PTPRN2: variants seen among roughly 807,000 people sequenced by gnomAD.
PTPRN2 encodes the protein receptor-type tyrosine-protein phosphatase N2.
PTPRN2 carries 74 observed loss-of-function variants against 118.8 expected under a neutral mutation model. The observed-to-expected ratio is 0.62, with a 90% confidence interval of 0.52 to 0.76. The LOEUF is 0.76. Among genes scored for constraint, PTPRN2 ranks in the 30% least tolerant of loss-of-function variants. The pLI is 0.00. For missense variants in PTPRN2, 1,481 were observed against 1,394.4 expected (o/e 1.06, Z -0.99); for synonymous variants, 641 against 608.0 (o/e 1.05, Z -0.80).
intron 2 of PTPRN2, among the ~76,000 whole-genome samples, chr7:158,330,991 A>C (rs1430481057): frequency 8.0e-6 from 1 of 125,196 alleles, no homozygotes; most frequent in Admixed American, 8.4e-5. Flanking sequence ...TCTCACCATA[A>C]GAGCTGACAC....
intron 11 of PTPRN2, among the ~76,000 whole-genome samples, chr7:157,942,495 G>A (rs1800207787): frequency 6.6e-6 from 1 of 152,082 alleles, no homozygotes; most frequent in African/African-American, 2.4e-5. Context: ...ATGCTGCTGG[G>A]GTAATACTCT....
rs531409899 is a variant in PTPRN2 at position 157,603,895 on chromosome 7, T to C, written c.2418+107A>G. On this transcript the variant is annotated intron_variant, in intron 16 of 22. Transcript: ENST00000389418. The surrounding 1 kb of genome is among the most constrained non-coding windows in gnomAD (Gnocchi z 5.4). ...TCGGCCCTGTCCACCGCAGAGACGC[T>C]GAGCTGGGTGGGGACGTGATTTCCC... 6.1e-5 allele frequency: 65 copies of C among 1,071,472 alleles called. 1 individual carries two copies. In the South Asian group the frequency reaches 8.5e-4, roughly 14 times the overall value. 66.4% of individuals were successfully genotyped at this position (1,071,472 alleles called of 1,614,324 possible).
chr7:158,072,593 C>T (rs924251332), intron 11 of PTPRN2, among the ~76,000 whole-genome samples: 23 of 152,318 alleles, frequency 1.5e-4, no homozygotes, highest in African/African-American at 5.3e-4. Context: ...CCAGGCAGCT[C>T]TCGGACTTCA....
chr7:157,665,304 G>A (rs531775553), intron 13 of PTPRN2, among the ~76,000 whole-genome samples: 1 of 152,358 alleles, frequency 6.6e-6, no homozygotes, highest in East Asian at 1.9e-4. Flanking sequence ...GCAGCTTGGC[G>A]ACCTTGAGTT....
rs1441215250 is a variant in PTPRN2, at chr7:157,657,712, CCA to C, written c.2002-1163_2002-1162del. Among the ~76,000 whole-genome samples, 23 of 92,530 alleles carry C rather than the reference CCA, an allele frequency of 2.5e-4. 2 individuals are homozygous for C. In the East Asian group the frequency reaches 7.3e-3, roughly 29 times the overall value. 60.7% of individuals were successfully genotyped at this position (92,530 alleles called of 152,430 possible). A position where few individuals can be genotyped will look rare whatever the true frequency, so the allele number is the denominator to read the frequency against. On this transcript the variant is annotated intron_variant, in intron 13 of 22. Transcript: ENST00000389418. ...TCACACATATACACACACATACACC[CCA>C]CACACACACCACACACATCACACAT...
At chr7:158,071,467 TG>T in intron 11 of PTPRN2, among the ~76,000 whole-genome samples, 2 of 135,756 alleles carry the variant, frequency 1.5e-5, no homozygotes, top group African/African-American at 5.9e-5. Context: ...GAGGTGCTCG[TG>T]GTGGTGGAGG....
chr7:157,752,207 C>T (rs566648938), intron 12 of PTPRN2, among the ~76,000 whole-genome samples: 11 of 152,318 alleles, frequency 7.2e-5, no homozygotes, highest in Non-Finnish European at 1.3e-4. Context: ...GTGGGGGCAC[C>T]GAGTGGCCAG....
rs961686856 is a variant in PTPRN2, at chr7:158,276,570, G to C, written c.277+40249C>G. ...CACCCCCACACCCTGGCCCTGGGCA[G>C]TCGTGGTGACCGCATGGCCTTGTTG... On this transcript the variant is annotated intron_variant, in intron 3 of 22. Coordinates refer to ENST00000389418, the MANE Select transcript of PTPRN2 (RefSeq NM_002847.5). Among the ~76,000 whole-genome samples the C allele has an allele frequency of 9.2e-5, 14 of 152,134 alleles. 1 individual carries two copies. The highest frequency in any genetic ancestry group is 2.0e-4 in the Admixed American group (3 of 15,288).
intron 1 of PTPRN2, among the ~76,000 whole-genome samples, chr7:158,521,635 C>T (rs370634551): frequency 2.6e-4 from 27 of 105,754 alleles, no homozygotes; most frequent in African/African-American, 7.3e-4. Flanking sequence ...GGGAGGTCCA[C>T]GTCACAATGG....
intron 3 of PTPRN2, among the ~76,000 whole-genome samples, chr7:158,227,284 G>A (rs1222335259): frequency 2.6e-5 from 4 of 152,196 alleles, no homozygotes; most frequent in Non-Finnish European, 5.9e-5. Flanking sequence ...CCAAGGTCAT[G>A]TGCTCAGGAG....
intron 12 of PTPRN2, among the ~76,000 whole-genome samples, chr7:157,707,005 G>A (rs1327623487): frequency 1.3e-5 from 2 of 151,146 alleles, no homozygotes; most frequent in Non-Finnish European, 3.0e-5. Flanking sequence ...ATCTGACCCC[G>A]GTGCCTTCCG....
At chr7:158,518,628 C>G (rs1823744858) in intron 1 of PTPRN2, among the ~76,000 whole-genome samples, 1 of 152,124 alleles carries the variant, frequency 6.6e-6, no homozygotes, top group African/African-American at 2.4e-5. Context: ...GAGGCCACAG[C>G]AGGACAAGAG....
chr7:157,945,534 T>C (rs1800422137), intron 11 of PTPRN2, among the ~76,000 whole-genome samples: 1 of 152,066 alleles, frequency 6.6e-6, no homozygotes, highest in Non-Finnish European at 1.5e-5. Flanking sequence ...GACAAAGCCG[T>C]CTCCAACTCG....
chr7:157,728,047 C>G (rs1008555852), intron 12 of PTPRN2, among the ~76,000 whole-genome samples: 6 of 152,230 alleles, frequency 3.9e-5, no homozygotes, highest in African/African-American at 1.4e-4. Flanking sequence ...CCGTCTACAC[C>G]TGGAGGCCCA....
chr7:157,600,528 C>T (rs1312149340), intron 16 of PTPRN2, among the ~76,000 whole-genome samples: 1 of 152,122 alleles, frequency 6.6e-6, no homozygotes, highest in African/African-American at 2.4e-5. Flanking sequence ...TCAAATGTTT[C>T]TTCTGCCTCA....
intron 1 of PTPRN2, among the ~76,000 whole-genome samples, chr7:158,540,784 G>A (rs1178967347): frequency 6.6e-6 from 1 of 152,230 alleles, no homozygotes; most frequent in African/African-American, 2.4e-5. Context: ...CAGTGTGGAA[G>A]AACCAACAAG....
chr7:158,468,572 G>C (rs923090719), intron 2 of PTPRN2, among the ~76,000 whole-genome samples: 3 of 152,010 alleles, frequency 2.0e-5, no homozygotes, highest in African/African-American at 7.2e-5. Flanking sequence ...GGTGTTTCCA[G>C]GTGTTACCAC....
At chr7:158,280,680 T>C (rs1799364058) in intron 3 of PTPRN2, among the ~76,000 whole-genome samples, 1 of 150,590 alleles carries the variant, frequency 6.6e-6, no homozygotes, top group African/African-American at 2.5e-5. Flanking sequence ...GGCCGTGGAG[T>C]TTCTCCACCG....
chr7:157,910,809 CA>C (rs1798065455), intron 11 of PTPRN2, among the ~76,000 whole-genome samples: 1 of 152,230 alleles, frequency 6.6e-6, no homozygotes, highest in South Asian at 2.1e-4. Context: ...GGCAACAACA[CA>C]AAACACAAGA....
Sources: allele counts gnomAD v4.1 joint callset (sites outside exome capture counted in the v4.1 genomes callset), GRCh38; gene constraint gnomAD v4.1.1; non-coding constraint Gnocchi (gnomAD v3.1); transcripts MANE v1.5; gene names NCBI Gene and HGNC (gene_info 2026-07-23, HGNC 2026-07-21).